Variants in EPG5 observed in about 807,000 individuals in gnomAD.
The protein encoded by EPG5 is ectopic P granules protein 5 homolog.
A neutral mutation model predicts 302.7 loss-of-function variants in EPG5; 159 were observed. That is an observed-to-expected ratio of 0.53 (90% CI 0.46 to 0.60). The LOEUF is 0.60. Among genes scored for constraint, EPG5 ranks in the 20% least tolerant of loss-of-function variants. EPG5 has a pLI of 0.00. For missense variants in EPG5, 2,896 were observed against 3,092.4 expected (o/e 0.94, Z 1.51); for synonymous variants, 1,158 against 1,136.8 (o/e 1.02, Z -0.37).
At chr18:45,855,077 G>A (rs1015772596) in intron 43 of EPG5, among the ~76,000 whole-genome samples, 22 of 151,618 alleles carry the variant, frequency 1.5e-4, no homozygotes, top group African/African-American at 5.3e-4. Context: ...TTTAGAAGAA[G>A]CTATAATTTC....
At chr18:45,917,934 G>T in intron 16 of EPG5, 115 bp from the exon 17 acceptor site, 1 of 961,492 alleles carries the variant, frequency 1.0e-6, no homozygotes, top group Non-Finnish European at 1.5e-6. Context: ...TCCAACACAT[G>T]TTTTATACCC....
intron 27 of EPG5, among the ~76,000 whole-genome samples, chr18:45,897,961 G>A (rs1390228075): frequency 1.3e-5 from 2 of 152,200 alleles, no homozygotes; most frequent in African/African-American, 4.8e-5. Context: ...AATCATTTGT[G>A]TGTAGACAGA....
the EPG5 span, among the ~76,000 whole-genome samples, chr18:45,811,929 G>A: frequency 1.3e-5 from 2 of 152,050 alleles, no homozygotes; most frequent in Admixed American, 1.3e-4. Context: ...CAATCAGGCA[G>A]GAGAAAGAAA....
At chr18:45,809,722 G>A in the EPG5 span, among the ~76,000 whole-genome samples, 9 of 152,216 alleles carry the variant, frequency 5.9e-5, no homozygotes, top group East Asian at 7.7e-4. Context: ...CAGCAAAGGC[G>A]GTGCTAAGAG....
At chr18:45,913,116 A>G (rs1192239847) in intron 21 of EPG5, among the ~76,000 whole-genome samples, 3 of 152,134 alleles carry the variant, frequency 2.0e-5, no homozygotes, top group Non-Finnish European at 4.4e-5. Flanking sequence ...AAAAAGAAAA[A>G]AAGAAAATGT....
intron 1 of EPG5, among the ~76,000 whole-genome samples, chr18:45,956,042 C>G (rs1568189202): frequency 6.6e-6 from 1 of 152,176 alleles, no homozygotes; most frequent in Non-Finnish European, 1.5e-5. Flanking sequence ...TGCATAGTCT[C>G]AAAGTATCTC....
At chr18:45,867,812 TGTA>T in intron 36 of EPG5, 64 bp from the exon 37 acceptor site, 1 of 1,387,878 alleles carries the variant, frequency 7.2e-7, no homozygotes, top group South Asian at 1.3e-5. Flanking sequence ...GGAAAATGTA[TGTA>T]AATTGTTTCA....
Position 45,916,548 on chromosome 18 carries a change from C to A in EPG5, c.3274G>T (p.Asp1092Tyr). 6.2e-7 allele frequency: 1 copy of A among 1,609,966 alleles called. No homozygotes were observed. Among genetic ancestry groups the A allele is most frequent in the Non-Finnish European group, 8.5e-7 (1 of 1,176,624 alleles). Reference sequence around the variant, plus strand: ...GTGACACCCTGAGGGACACCGCTGTCCAAGTGTAGGAACAAGAGGAGATGC... The same window carrying A: ...GTGACACCCTGAGGGACACCGCTGTACAAGTGTAGGAACAAGAGGAGATGC... Reference protein sequence around the residue: ...LSHLLLFLHLDSGVPQGVTQQ... With the variant: ...LSHLLLFLHLYSGVPQGVTQQ... The change falls in exon 18 of 44, where the codon GAC becomes TAC. Residue 1092 changes from aspartate (D) to tyrosine (Y), a missense_variant. Asp to Tyr is a radical substitution (Grantham distance 160). This residue lies in a region of EPG5 where 1,390 missense variants were observed against 1,430.0 expected (regional missense o/e 0.97). Transcript: ENST00000282041.
intron 26 of EPG5, 50 bp downstream of exon 26, chr18:45,900,946 G>A: frequency 6.4e-7 from 1 of 1,566,536 alleles, no homozygotes; most frequent in Non-Finnish European, 8.7e-7. Context: ...TATCCAGGCT[G>A]TCAAAGCCAC....
At chr18:45,837,030 C>A in the EPG5 span, 32 of 1,419,000 alleles carry the variant, frequency 2.3e-5, 1 homozygote, top group Admixed American at 2.8e-4. Context: ...TATCTGTAGG[C>A]TCATTTGTGA....
chr18:45,918,885 T>C (rs1349237540), intron 16 of EPG5, among the ~76,000 whole-genome samples: 6 of 152,184 alleles, frequency 3.9e-5, no homozygotes, highest in Non-Finnish European at 8.8e-5. Flanking sequence ...CAGAAGTGAG[T>C]GGCTTTTTCT....
Position 45,956,469 on chromosome 18 carries a change from T to C in EPG5, c.64-1131A>G, listed in dbSNP as rs373566563. ...GGGTGTTTTATTTATTTATTTTTTTTTTTTTGAGACGGAATCTTGCTCTGT... is the reference window on the plus strand; with the variant it reads ...GGGTGTTTTATTTATTTATTTTTTTCTTTTTGAGACGGAATCTTGCTCTGT... On this transcript the variant is annotated intron_variant, in intron 1 of 43. Coordinates refer to ENST00000282041, the MANE Select transcript of EPG5 (RefSeq NM_020964.3). Among the ~76,000 whole-genome samples the C allele has an allele frequency of 7.9e-3, 1,196 of 152,078 alleles. 7 individuals are homozygous for C. The highest frequency in any genetic ancestry group is 0.022 in the African/African-American group (924 of 41,464).
chr18:45,920,418 T>C (rs918235703), intron 16 of EPG5, among the ~76,000 whole-genome samples: 2 of 152,190 alleles, frequency 1.3e-5, no homozygotes, highest in Admixed American at 6.5e-5. Context: ...CAGCCTAGGA[T>C]GTTGTCTTAG....
chr18:45,879,632 G>C (rs2049047581), intron 32 of EPG5, among the ~76,000 whole-genome samples: 1 of 152,252 alleles, frequency 6.6e-6, no homozygotes, highest in African/African-American at 2.4e-5. Context: ...GCCTCCCAAA[G>C]TGCTGGGGTT....
At chr18:45,889,492 C>T (rs2049292171) in intron 28 of EPG5, among the ~76,000 whole-genome samples, 1 of 152,170 alleles carries the variant, frequency 6.6e-6, no homozygotes, top group Non-Finnish European at 1.5e-5. Flanking sequence ...GGTCAGCAAA[C>T]TTTTTCTATA....
intron 35 of EPG5, among the ~76,000 whole-genome samples, chr18:45,873,437 G>A (rs1472293165): frequency 6.6e-6 from 1 of 151,988 alleles, no homozygotes; most frequent in Non-Finnish European, 1.5e-5. Context: ...CTGAACCCAG[G>A]AGGCAGAGGT....
At chr18:45,896,057 C>A (rs1293749139) in intron 27 of EPG5, among the ~76,000 whole-genome samples, 1 of 152,216 alleles carries the variant, frequency 6.6e-6, no homozygotes, top group Non-Finnish European at 1.5e-5. Flanking sequence ...TGCCCTTTGC[C>A]ATTAATGTGT....
chr18:45,838,015 C>T, the EPG5 span: 184 of 1,261,018 alleles, frequency 1.5e-4, no homozygotes, highest in South Asian at 1.1e-3. Flanking sequence ...GAGACCCAGC[C>T]CTCTCCTCTA....
intron 2 of EPG5, chr18:45,953,446 C>G (rs1281555940): frequency 1.0e-6 from 1 of 985,346 alleles, no homozygotes; most frequent in Non-Finnish European, 1.2e-6. Context: ...TTACTATGTA[C>G]AGAGATATAC....
Sources: gnomAD v4.1 joint callset for allele counts (sites outside exome capture counted in the v4.1 genomes callset) on GRCh38, gnomAD v4.1.1 for gene constraint, gnomAD v4.1.1 regional missense constraint, MANE v1.5 for transcripts, NCBI Gene and HGNC (gene_info 2026-07-23, HGNC 2026-07-21) for gene names.